NDUFAF6: variants seen among roughly 807,000 people sequenced by gnomAD.
The protein encoded by NDUFAF6 is NADH:ubiquinone oxidoreductase complex assembly factor 6.
Under a neutral mutation model 40.8 loss-of-function variants are expected in NDUFAF6, and 45 were observed. That is an observed-to-expected ratio of 1.10 (90% CI 0.87 to 1.42). The LOEUF is 1.42. Ranked by LOEUF, NDUFAF6 falls within the 40% of genes most tolerant of loss-of-function variation. The pLI, the probability that NDUFAF6 is intolerant of heterozygous loss-of-function variation, is 0.00. For synonymous variants in NDUFAF6, 185 were observed against 155.9 expected, an observed-to-expected ratio of 1.19 and a Z score of -1.39; for missense variants, 435 against 418.5, an observed-to-expected ratio of 1.04 and a Z score of -0.34.
At chr8:95,049,106 C>G (rs1831141765) in intron 7 of NDUFAF6, among the ~76,000 whole-genome samples, 1 of 152,214 alleles carries the variant, frequency 6.6e-6, no homozygotes, top group Non-Finnish European at 1.5e-5. Flanking sequence ...GCTCATCATG[C>G]TATGATTTGG....
Position 94,912,956 on chromosome 8 carries a change from C to T in NDUFAF6, c.-936+17029C>T, listed in dbSNP as rs567414901. ...ATCACGCCACTGCATTCCAGCCTGG[C>T]GACAAAGCGAGACTCCATCTCAATC... On this transcript the variant is annotated intron_variant, in intron 1 of 14. Transcript: ENST00000396113. 7.2e-5 allele frequency among the ~76,000 whole-genome samples: 11 copies of T among 152,230 alleles called. 1 individual carries two copies. The South Asian group carries it at 1.4e-3, about 20-fold the overall frequency.
chr8:95,070,984 C>G (rs1832828914), intron 9 of NDUFAF6, among the ~76,000 whole-genome samples: 1 of 151,986 alleles, frequency 6.6e-6, no homozygotes, highest in Non-Finnish European at 1.5e-5. Flanking sequence ...AATTTCTATA[C>G]CAAGGAAATA....
chr8:95,043,796 A>G (rs1434547546), intron 4 of NDUFAF6, among the ~76,000 whole-genome samples: 1 of 152,232 alleles, frequency 6.6e-6, no homozygotes, highest in African/African-American at 2.4e-5. Context: ...GGAATGTGAA[A>G]TGGTGCAGCT....
At chr8:95,079,678 C>A (rs1020940458), downstream of NDUFAF6, among the ~76,000 whole-genome samples, 3 of 151,110 alleles carry the variant, frequency 2.0e-5, no homozygotes, top group South Asian at 2.1e-4. Flanking sequence ...AAAACTGATT[C>A]TTGAAGGAAG....
At chr8:94,973,454 A>G (rs1824638333) in intron 1 of NDUFAF6, among the ~76,000 whole-genome samples, 1 of 152,206 alleles carries the variant, frequency 6.6e-6, no homozygotes. Context: ...CACGCCTGTA[A>G]TCCCAGCACT....
chr8:95,114,579 G>A (rs1479651517), intron 4 of NDUFAF6, among the ~76,000 whole-genome samples: 2 of 152,156 alleles, frequency 1.3e-5, no homozygotes, highest in Non-Finnish European at 2.9e-5. Flanking sequence ...CTGTCACACC[G>A]TATACAAAAG....
chr8:95,027,579 CAAAAA>C (rs1207611146), intron 1 of NDUFAF6, among the ~76,000 whole-genome samples: 1 of 68,946 alleles, frequency 1.5e-5, no homozygotes, highest in Non-Finnish European at 3.0e-5. Context: ...GACCCTGTCT[CAAAAA>C]AAAAAAAAAA....
chr8:94,980,854 G>A (rs950807190), intron 1 of NDUFAF6: 3 of 441,656 alleles, frequency 6.8e-6, no homozygotes, highest in African/African-American at 6.1e-5. Context: ...TATTTGTTTA[G>A]GCAGCCACCT....
chr8:95,033,749 T>C (rs768792995), intron 2 of NDUFAF6, among the ~76,000 whole-genome samples: 5 of 152,094 alleles, frequency 3.3e-5, no homozygotes, highest in African/African-American at 1.2e-4. Flanking sequence ...TGTACAGATA[T>C]GTGGGCAAAG....
chr8:95,053,925 CTTTTTTTTT>C (rs71273448), intron 8 of NDUFAF6, among the ~76,000 whole-genome samples: 1,359 of 37,082 alleles, frequency 0.037, 39 homozygotes, highest in African/African-American at 0.12. Context: ...CCGTGCCCGG[CTTTTTTTTT>C]TTTTTTTTTT....
At chr8:94,926,119 G>A (rs1227420198) in intron 1 of NDUFAF6, 1 of 152,510 alleles carries the variant, frequency 6.6e-6, no homozygotes, top group Admixed American at 6.5e-5. Context: ...GTGCTGTATT[G>A]TTCAGTCTGT....
downstream of NDUFAF6, among the ~76,000 whole-genome samples, chr8:95,080,644 A>C (rs1332589872): frequency 7.2e-6 from 1 of 138,948 alleles, no homozygotes; most frequent in South Asian, 2.3e-4. Context: ...TTTTGTAGTG[A>C]TTTTTGGTAG....
upstream of NDUFAF6, among the ~76,000 whole-genome samples, chr8:95,021,612 G>GA (rs1226002537): frequency 3.9e-5 from 6 of 152,228 alleles, no homozygotes; most frequent in Admixed American, 1.3e-4. Context: ...GTCATTCTAA[G>GA]AAAAAAACTC....
chr8:95,019,544 AT>A (rs1827604881), intron 2 of NDUFAF6, among the ~76,000 whole-genome samples: 1 of 152,170 alleles, frequency 6.6e-6, no homozygotes, highest in Non-Finnish European at 1.5e-5. Context: ...CTGATGGTCC[AT>A]TTTTGGTAGG....
intron 3 of NDUFAF6, among the ~76,000 whole-genome samples, chr8:95,039,855 C>G (rs890820665): frequency 2.6e-5 from 4 of 152,178 alleles, no homozygotes; most frequent in African/African-American, 9.7e-5. Context: ...CTCCTGAACT[C>G]CTGAACTCAA....
chr8:95,056,905 C>CAAA (rs33945993), intron 8 of NDUFAF6, among the ~76,000 whole-genome samples: 8 of 141,090 alleles, frequency 5.7e-5, no homozygotes, highest in African/African-American at 7.8e-5. Context: ...GACTCTGTCT[C>CAAA]AAAAAAAAAA....
chr8:94,962,710 T>C lies in NDUFAF6; in HGVS notation c.-199+4531T>C, dbSNP rs553210218. Among the ~76,000 whole-genome samples the C allele has an allele frequency of 1.1e-3, 174 of 151,966 alleles. 1 individual carries two copies. The highest frequency in any genetic ancestry group is 4.1e-3 in the African/African-American group (170 of 41,398). Reference sequence around the variant, plus strand: ...TCACTGCAGCCTCCAACTCCTGGACTCAAGTGATCCTCCCACCTTGGCTTC... The same window carrying C: ...TCACTGCAGCCTCCAACTCCTGGACCCAAGTGATCCTCCCACCTTGGCTTC... On this transcript the variant is annotated intron_variant, in intron 1 of 9. Coordinates refer to the NDUFAF6 transcript ENST00000396111.
chr8:95,052,629 T>C (rs10090293), intron 8 of NDUFAF6, among the ~76,000 whole-genome samples: 4,779 of 152,330 alleles, frequency 0.031, 259 homozygotes, highest in African/African-American at 0.11. Flanking sequence ...TCATTTTTTT[T>C]TCCATTGTGA....
chr8:94,991,285 A>G (rs189001441), intron 2 of NDUFAF6, among the ~76,000 whole-genome samples: 1 of 152,328 alleles, frequency 6.6e-6, no homozygotes, highest in African/African-American at 2.4e-5. Flanking sequence ...ATGTTTGGCT[A>G]TGACTTTTGA....
Sources: gnomAD v4.1 joint callset for allele counts (sites outside exome capture counted in the v4.1 genomes callset) on GRCh38, gnomAD v4.1.1 for gene constraint, MANE v1.5 for transcripts, NCBI Gene and HGNC (gene_info 2026-07-23, HGNC 2026-07-21) for gene names.